The following HS6ST3 variants were observed in gnomAD, a reference collection of about 807,000 sequenced individuals.
HS6ST3 encodes the protein heparan sulfate 6-O-sulfotransferase 3.
HS6ST3 carries 12 observed loss-of-function variants against 36.7 expected under a neutral mutation model. The ratio of observed to expected loss-of-function variants is 0.33; its 90% CI spans 0.21 to 0.53. HS6ST3 has a LOEUF of 0.53. Among genes scored for constraint, HS6ST3 ranks in the 20% least tolerant of loss-of-function variants. The pLI, the probability that HS6ST3 is intolerant of heterozygous loss-of-function variation, is 0.95. For missense variants in HS6ST3, 584 were observed against 640.9 expected (o/e 0.91, Z 0.96); for synonymous variants, 240 against 257.5 (o/e 0.93, Z 0.65).
chr13:96,215,352 G>A (rs927579970), intron 1 of HS6ST3, among the ~76,000 whole-genome samples: 1 of 152,192 alleles, frequency 6.6e-6, no homozygotes, highest in Non-Finnish European at 1.5e-5. Flanking sequence ...ATAGCTTGGA[G>A]AGAAAATCAT....
chr13:96,273,460 C>G (rs954232507), intron 1 of HS6ST3, among the ~76,000 whole-genome samples: 1 of 151,882 alleles, frequency 6.6e-6, no homozygotes, highest in Non-Finnish European at 1.5e-5. Flanking sequence ...TTCATTCCAA[C>G]CAGACCACTT....
chr13:96,423,442 A>C (rs906820297), intron 1 of HS6ST3, among the ~76,000 whole-genome samples: 1 of 151,976 alleles, frequency 6.6e-6, no homozygotes, highest in African/African-American at 2.4e-5. Flanking sequence ...GAAAAATAAT[A>C]AAGTGAGTAG....
At chr13:96,196,002 A>C (rs1255850845) in intron 1 of HS6ST3, among the ~76,000 whole-genome samples, 2 of 152,084 alleles carry the variant, frequency 1.3e-5, no homozygotes, top group Non-Finnish European at 2.9e-5. Flanking sequence ...CAGGAACCAA[A>C]CAATTTCTTT....
At position 96,298,286 on chromosome 13, in the gene HS6ST3, G is replaced by A. The variant is rs1052881278; in HGVS notation, c.707+206717G>A. ...AATTTCAAATTAAGTAAACAGAGAT[G>A]CGTATGCACTCAGATAAGCATGGTT... On this transcript the variant is annotated intron_variant, in intron 1 of 1. Coordinates refer to ENST00000376705, the MANE Select transcript of HS6ST3 (RefSeq NM_153456.4). Among the ~76,000 whole-genome samples, 4 of 152,276 alleles carry A rather than the reference G, an allele frequency of 2.6e-5. 1 individual carries two copies. The highest frequency in any genetic ancestry group is 2.4e-5 in the African/African-American group (1 of 41,576).
At chr13:96,680,670 A>C (rs1457678155) in intron 1 of HS6ST3, among the ~76,000 whole-genome samples, 2 of 152,198 alleles carry the variant, frequency 1.3e-5, no homozygotes, top group African/African-American at 4.8e-5. Flanking sequence ...GCTGCCATGG[A>C]CCAACTTGTG....
intron 1 of HS6ST3, among the ~76,000 whole-genome samples, chr13:96,421,069 A>G (rs1201924112): frequency 1.3e-5 from 2 of 152,172 alleles, no homozygotes; most frequent in African/African-American, 2.4e-5. Context: ...CCCAGTTATG[A>G]TGCCTCCTCT....
At chr13:96,549,089 T>G (rs987051360) in intron 1 of HS6ST3, among the ~76,000 whole-genome samples, 2 of 152,202 alleles carry the variant, frequency 1.3e-5, no homozygotes, top group Admixed American at 1.3e-4. Flanking sequence ...ACGGTGCAGT[T>G]TGAGGTACAT....
intron 1 of HS6ST3, among the ~76,000 whole-genome samples, chr13:96,503,339 G>A (rs559907715): frequency 6.6e-6 from 1 of 152,140 alleles, no homozygotes; most frequent in Admixed American, 6.5e-5. Flanking sequence ...GTGAGGCCTA[G>A]GTCAGGGCAG....
chr13:96,116,454 C>T (rs1488811213), intron 1 of HS6ST3, among the ~76,000 whole-genome samples: 2 of 152,126 alleles, frequency 1.3e-5, no homozygotes. Context: ...GAGATTTTCC[C>T]TGAGGCAGGC....
intron 1 of HS6ST3, among the ~76,000 whole-genome samples, chr13:96,708,185 C>T (rs780119728): frequency 3.9e-5 from 6 of 152,150 alleles, no homozygotes; most frequent in South Asian, 2.1e-4. Flanking sequence ...TTTACATGTT[C>T]GCAACTTCAT....
At chr13:96,175,694 C>CA (rs4001570) in intron 1 of HS6ST3, among the ~76,000 whole-genome samples, 310 of 140,850 alleles carry the variant, frequency 2.2e-3, no homozygotes, top group Middle Eastern at 0.011. Flanking sequence ...GTGAATTTGG[C>CA]AAAAAAAAAA....
chr13:96,223,725 TAGA>T (rs2139363906), intron 1 of HS6ST3, among the ~76,000 whole-genome samples: 1 of 152,268 alleles, frequency 6.6e-6, no homozygotes, highest in South Asian at 2.1e-4. Context: ...TGGGGGATGG[TAGA>T]AGAAGAAAGA....
intron 1 of HS6ST3, among the ~76,000 whole-genome samples, chr13:96,231,862 C>T (rs1381984437): frequency 6.6e-6 from 1 of 152,206 alleles, no homozygotes; most frequent in African/African-American, 2.4e-5. Flanking sequence ...CTGACGCTAG[C>T]CTCAGTCTCT....
At chr13:96,345,689 G>C (rs1405418722) in intron 1 of HS6ST3, among the ~76,000 whole-genome samples, 7 of 152,084 alleles carry the variant, frequency 4.6e-5, no homozygotes, top group Admixed American at 3.9e-4. Context: ...GGTTGGGTGG[G>C]GATGGTTTTG....
At position 96,449,106 on chromosome 13, in the gene HS6ST3, C is replaced by T. The variant is rs182531325; in HGVS notation, c.707+357537C>T. Among the ~76,000 whole-genome samples, 124 of 152,136 alleles carry T rather than the reference C, an allele frequency of 8.2e-4. 1 individual carries two copies. In the East Asian group the frequency reaches 0.012, roughly 15 times the overall value. On this transcript the variant is annotated intron_variant, in intron 1 of 1. Transcript: ENST00000376705. ...CTACCTGAGTAGCTGATACTACAGG[C>T]GCGTGCCACCATACCCGGCTAATTT... is the stretch of plus-strand genomic sequence containing the variant.
At chr13:96,594,484 C>G (rs1463676661) in intron 1 of HS6ST3, among the ~76,000 whole-genome samples, 2 of 151,814 alleles carry the variant, frequency 1.3e-5, no homozygotes, top group Non-Finnish European at 2.9e-5. Context: ...TACTATAGAC[C>G]TTTGCTATAT....
intron 1 of HS6ST3, among the ~76,000 whole-genome samples, chr13:96,738,603 A>G (rs1876348964): frequency 6.6e-6 from 1 of 151,790 alleles, no homozygotes; most frequent in Non-Finnish European, 1.5e-5. Context: ...TTCCTTTTGT[A>G]GTGGCAAAAC....
Position 96,712,647 on chromosome 13 carries a change from G to A in HS6ST3, c.708-119843G>A, listed in dbSNP as rs984632381. ...GCCTGCCATCCAAATCGATCAAGGT[G>A]ACTCAATTTCATATGTCGATAGGCA... On this transcript the variant is annotated intron_variant, in intron 1 of 1. Coordinates refer to ENST00000376705, the MANE Select transcript of HS6ST3 (RefSeq NM_153456.4). Among the ~76,000 whole-genome samples, 3 of 152,168 alleles carry A rather than the reference G, an allele frequency of 2.0e-5. No homozygotes were observed. In the East Asian group the frequency reaches 5.8e-4, roughly 29 times the overall value.
chr13:96,509,645 G>A (rs1026406814), intron 1 of HS6ST3, among the ~76,000 whole-genome samples: 12 of 152,166 alleles, frequency 7.9e-5, no homozygotes, highest in Non-Finnish European at 1.3e-4. Flanking sequence ...TCAAAGATCA[G>A]TTGGCTGTGT....
Sources: allele counts gnomAD v4.1 joint callset (sites outside exome capture counted in the v4.1 genomes callset), GRCh38; gene constraint gnomAD v4.1.1; transcripts MANE v1.5; gene names NCBI Gene and HGNC (gene_info 2026-07-23, HGNC 2026-07-21).